The following DTWD2 variants were observed in gnomAD, a reference collection of about 807,000 sequenced individuals.
DTWD2 encodes the protein tRNA-uridine aminocarboxypropyltransferase 2.
A neutral mutation model predicts 31.8 loss-of-function variants in DTWD2; 39 were observed. That is an observed-to-expected ratio of 1.22 (90% CI 0.95 to 1.60). The LOEUF (loss-of-function observed/expected upper bound fraction) is 1.60, where lower values mean the gene tolerates loss of function less well. Ranked by LOEUF, DTWD2 falls within the 40% of genes most tolerant of loss-of-function variation. The pLI, the probability that DTWD2 is intolerant of heterozygous loss-of-function variation, is 0.00. For synonymous variants in DTWD2, 180 were observed against 142.8 expected, an observed-to-expected ratio of 1.26 and a Z score of -1.86; for missense variants, 515 against 381.5, an observed-to-expected ratio of 1.35 and a Z score of -2.92.
At chr5:118,860,904 T>A (rs1752245706) in intron 4 of DTWD2, among the ~76,000 whole-genome samples, 1 of 152,176 alleles carries the variant, frequency 6.6e-6, no homozygotes, top group African/African-American at 2.4e-5. Flanking sequence ...AGTCGCAAAT[T>A]TTTTTCCTGG....
chr5:118,885,456 CAAA>C (rs34550372), intron 4 of DTWD2, among the ~76,000 whole-genome samples: 3 of 57,508 alleles, frequency 5.2e-5, no homozygotes, highest in Non-Finnish European at 6.4e-5. Context: ...GACTCCACCT[CAAA>C]AAAAAAAAAA....
chr5:118,850,102 C>T (rs999843135), intron 4 of DTWD2, among the ~76,000 whole-genome samples: 1 of 151,254 alleles, frequency 6.6e-6, no homozygotes, highest in Non-Finnish European at 1.5e-5. Context: ...ATAAATGGTG[C>T]TGGGATAACT....
chr5:118,851,177 C>T (rs1049182525), intron 4 of DTWD2, among the ~76,000 whole-genome samples: 2 of 148,736 alleles, frequency 1.3e-5, no homozygotes, highest in Non-Finnish European at 3.0e-5. Flanking sequence ...CAAGATCATG[C>T]CACTGCACTC....
intron 4 of DTWD2, among the ~76,000 whole-genome samples, chr5:118,915,541 AT>A (rs1314288622): frequency 2.0e-5 from 3 of 151,848 alleles, no homozygotes; most frequent in Non-Finnish European, 4.4e-5. Context: ...CACCTGGCTA[AT>A]TTTTTGTATT....
intron 1 of DTWD2, among the ~76,000 whole-genome samples, chr5:118,945,802 GAAAGAA>G (rs1754326897): frequency 6.7e-6 from 1 of 149,656 alleles, no homozygotes; most frequent in Non-Finnish European, 1.5e-5. Context: ...AAGAAAGAAA[GAAAGAA>G]AGAAATTCAT....
chr5:118,858,477 A>T (rs1752188279), intron 4 of DTWD2, among the ~76,000 whole-genome samples: 1 of 152,224 alleles, frequency 6.6e-6, no homozygotes, highest in African/African-American at 2.4e-5. Context: ...TTAGAATAGC[A>T]TGTGAGTTAG....
chr5:118,951,969 C>T (rs1163344349), intron 1 of DTWD2, among the ~76,000 whole-genome samples: 4 of 151,972 alleles, frequency 2.6e-5, no homozygotes, highest in Non-Finnish European at 5.9e-5. Context: ...TTTAGGTTCA[C>T]GGATAAAACG....
chr5:118,847,350 A>T (rs1003223248), intron 5 of DTWD2, among the ~76,000 whole-genome samples: 6 of 152,094 alleles, frequency 3.9e-5, no homozygotes, highest in Non-Finnish European at 8.8e-5. Context: ...TGTGCTCATT[A>T]TCCTCTGACT....
At chr5:118,862,701 C>A (rs1272099229) in intron 4 of DTWD2, among the ~76,000 whole-genome samples, 1 of 152,140 alleles carries the variant, frequency 6.6e-6, no homozygotes. Context: ...TTCCTTGCCA[C>A]CAGAACCCCC....
chr5:118,960,512 G>A (rs760506930), intron 1 of DTWD2, among the ~76,000 whole-genome samples: 3 of 152,016 alleles, frequency 2.0e-5, no homozygotes, highest in African/African-American at 4.8e-5. Flanking sequence ...TATGGAAAGC[G>A]GTTTAGCAAT....
At chr5:118,847,832 T>C (rs947986117) in intron 5 of DTWD2, among the ~76,000 whole-genome samples, 1 of 152,186 alleles carries the variant, frequency 6.6e-6, no homozygotes, top group Non-Finnish European at 1.5e-5. Context: ...AATGTTGTGC[T>C]ACTTAAATGT....
intron 4 of DTWD2, among the ~76,000 whole-genome samples, chr5:118,883,747 TC>T (rs1420628227): frequency 6.6e-6 from 1 of 152,060 alleles, no homozygotes; most frequent in Non-Finnish European, 1.5e-5. Context: ...TCCAATCACC[TC>T]CCACCAGGTC....
chr5:118,966,964 G>C (rs187420032), intron 1 of DTWD2, among the ~76,000 whole-genome samples: 35 of 151,304 alleles, frequency 2.3e-4, no homozygotes, highest in South Asian at 6.3e-4. Context: ...CTGGGAGGTA[G>C]AGGTTGCAGT....
At chr5:118,885,777 A>T (rs934317126) in intron 4 of DTWD2, among the ~76,000 whole-genome samples, 2 of 151,068 alleles carry the variant, frequency 1.3e-5, no homozygotes, top group South Asian at 2.1e-4. Flanking sequence ...TAAAAAAAAA[A>T]ATAAAAATAA....
chr5:118,887,328 C>A (rs1171720822), intron 4 of DTWD2, among the ~76,000 whole-genome samples: 2 of 152,144 alleles, frequency 1.3e-5, no homozygotes, highest in African/African-American at 2.4e-5. Context: ...CCCAGCTCAA[C>A]TGACATTTGT....
chr5:118,840,859 A>C lies in DTWD2; in HGVS notation c.*58T>G. ...ACCTACAGACCTTAACTATATGAAA[A>C]CTTAATTTGGTATTGTTAGATGAAG... On this transcript the variant is annotated 3_prime_UTR_variant, in exon 6 of 6. Coordinates refer to ENST00000510708, the MANE Select transcript of DTWD2 (RefSeq NM_173666.4). 1 of 1,552,944 alleles carries C rather than the reference A, an allele frequency of 6.4e-7. No individual in the cohort carries two copies. Among genetic ancestry groups the C allele is most frequent in the Non-Finnish European group, 8.7e-7 (1 of 1,151,264 alleles).
intron 5 of DTWD2, among the ~76,000 whole-genome samples, chr5:118,843,493 G>T (rs1397202861): frequency 6.6e-6 from 1 of 152,172 alleles, no homozygotes; most frequent in Non-Finnish European, 1.5e-5. Flanking sequence ...GAAAATAAGA[G>T]AGGGAATGCT....
intron 4 of DTWD2, among the ~76,000 whole-genome samples, chr5:118,914,057 G>C (rs1173670815): frequency 6.6e-6 from 1 of 152,064 alleles, no homozygotes; most frequent in Admixed American, 6.5e-5. Flanking sequence ...ACTGACCTTA[G>C]ATATGCCTTC....
At chr5:118,979,916 G>A (rs942114291) in intron 1 of DTWD2, among the ~76,000 whole-genome samples, 5 of 152,198 alleles carry the variant, frequency 3.3e-5, no homozygotes, top group Non-Finnish European at 5.9e-5. Context: ...CCTAGGGGAT[G>A]GGTTGATCTG....
Sources: gnomAD v4.1 joint callset for allele counts (sites outside exome capture counted in the v4.1 genomes callset) on GRCh38, gnomAD v4.1.1 for gene constraint, MANE v1.5 for transcripts, NCBI Gene and HGNC (gene_info 2026-07-23, HGNC 2026-07-21) for gene names.